Variants in KCNMB4 observed in about 807,000 individuals in gnomAD.
KCNMB4 encodes the protein potassium calcium-activated channel subfamily M regulatory beta subunit 4.
Under a neutral mutation model 20.7 loss-of-function variants are expected in KCNMB4, and 3 were observed. That is an observed-to-expected ratio of 0.14 (90% CI 0.07 to 0.37). The LOEUF (loss-of-function observed/expected upper bound fraction) is 0.37, where lower values mean the gene tolerates loss of function less well. Ranked by LOEUF, KCNMB4 falls within the 10% of genes least tolerant of loss-of-function variation. The pLI, the probability that KCNMB4 is intolerant of heterozygous loss-of-function variation, is 1.00. For synonymous variants in KCNMB4, 110 were observed against 113.4 expected, an observed-to-expected ratio of 0.97 and a Z score of 0.19; for missense variants, 168 against 265.9, an observed-to-expected ratio of 0.63 and a Z score of 2.56.
At chr12:70,423,781 C>T (rs568196654) in intron 2 of KCNMB4, among the ~76,000 whole-genome samples, 1 of 152,236 alleles carries the variant, frequency 6.6e-6, no homozygotes, top group South Asian at 2.1e-4. Context: ...GGCCACCTCC[C>T]AAGCTTTTAA....
intron 2 of KCNMB4, among the ~76,000 whole-genome samples, chr12:70,423,169 A>C (rs1869116171): frequency 6.6e-6 from 1 of 152,206 alleles, no homozygotes; most frequent in South Asian, 2.1e-4. Flanking sequence ...CTCCAAAATA[A>C]CATACCTGCC....
chr12:70,422,658 T>C, intron 2 of KCNMB4: 2 of 1,271,524 alleles, frequency 1.6e-6, no homozygotes, highest in Non-Finnish European at 2.1e-6. Flanking sequence ...TTCGTTGATT[T>C]GCCTTTTTAA....
chr12:70,405,281 A>G (rs1214656597), intron 2 of KCNMB4, among the ~76,000 whole-genome samples: 1 of 152,184 alleles, frequency 6.6e-6, no homozygotes, highest in African/African-American at 2.4e-5. Context: ...AACTCCTACA[A>G]CTCAATAGTA....
intron 1 of KCNMB4, among the ~76,000 whole-genome samples, chr12:70,382,194 C>G (rs1316716101): frequency 6.6e-6 from 1 of 151,548 alleles, no homozygotes; most frequent in African/African-American, 2.4e-5. Context: ...GCCTGTAATC[C>G]CAGCACTTTG....
intron 2 of KCNMB4, among the ~76,000 whole-genome samples, chr12:70,421,327 C>CA: frequency 1.3e-5 from 2 of 151,274 alleles, no homozygotes; most frequent in South Asian, 4.2e-4. Flanking sequence ...CCTGTCTCTA[C>CA]AAAAAATTGT....
chr12:70,429,866 G>A (rs150576067), intron 2 of KCNMB4, among the ~76,000 whole-genome samples: 2 of 152,156 alleles, frequency 1.3e-5, no homozygotes, highest in East Asian at 3.9e-4. Flanking sequence ...TAAGAAAGTG[G>A]TCAGTGTTTT....
chr12:70,399,418 C>A (rs1158751621), intron 1 of KCNMB4, among the ~76,000 whole-genome samples: 1 of 152,164 alleles, frequency 6.6e-6, no homozygotes, highest in Non-Finnish European at 1.5e-5. Flanking sequence ...GTAAAAAGTA[C>A]ACAAGTTAAG....
rs1869365360 is a variant in KCNMB4 at position 70,431,544 on chromosome 12, A to T, written c.*891A>T. On this transcript the variant is annotated 3_prime_UTR_variant, in exon 3 of 3. Coordinates refer to ENST00000258111, the MANE Select transcript of KCNMB4 (RefSeq NM_014505.6). ...TTTGTAGGTCAGAAAAAAACAACAAAATCAGTTCAAGCATTTTTTTTTCTT... is the reference window on the plus strand; with the variant it reads ...TTTGTAGGTCAGAAAAAAACAACAATATCAGTTCAAGCATTTTTTTTTCTT... 1 of 151,900 alleles carries T rather than the reference A, an allele frequency of 6.6e-6. No homozygotes were observed. The highest frequency in any genetic ancestry group is 2.4e-5 in the African/African-American group (1 of 41,350). The allele number at this position is 151,900 out of a possible 1,614,324, so 9.4% of individuals were successfully genotyped here. A position where few individuals can be genotyped will look rare whatever the true frequency, so the allele number is the denominator to read the frequency against.
chr12:70,409,970 C>G (rs11178227), intron 2 of KCNMB4, among the ~76,000 whole-genome samples: 1 of 152,066 alleles, frequency 6.6e-6, no homozygotes, highest in Non-Finnish European at 1.5e-5. Flanking sequence ...GTCTGCTTTA[C>G]ATATTTTAAC....
At chr12:70,392,309 A>G (rs1868306327) in intron 1 of KCNMB4, among the ~76,000 whole-genome samples, 1 of 152,204 alleles carries the variant, frequency 6.6e-6, no homozygotes, top group African/African-American at 2.4e-5. Context: ...GGCAGTCATT[A>G]AAAAGTCAGG....
intron 1 of KCNMB4, among the ~76,000 whole-genome samples, chr12:70,376,703 C>CAA (rs1436711433): frequency 6.8e-6 from 1 of 146,976 alleles, no homozygotes; most frequent in African/African-American, 2.5e-5. Context: ...CCCACCTCTA[C>CAA]AAAAATTAAA....
intron 1 of KCNMB4, among the ~76,000 whole-genome samples, chr12:70,373,148 G>A (rs1883628936): frequency 6.6e-6 from 1 of 152,214 alleles, no homozygotes; most frequent in African/African-American, 2.4e-5. Flanking sequence ...ATACTGGGAA[G>A]CCATGGTAGG....
At chr12:70,391,310 A>AT (rs60442586) in intron 1 of KCNMB4, among the ~76,000 whole-genome samples, 33,725 of 150,282 alleles carry the variant, frequency 0.22, 7,090 homozygotes, top group African/African-American at 0.56. Flanking sequence ...ATTTATTATT[A>AT]TTTTTTTTTA....
At chr12:70,391,335 C>G (rs1420176116) in intron 1 of KCNMB4, among the ~76,000 whole-genome samples, 1 of 151,538 alleles carries the variant, frequency 6.6e-6, no homozygotes, top group Non-Finnish European at 1.5e-5. Flanking sequence ...AAGGGTCTTG[C>G]TCTGTCACCC....
At chr12:70,428,190 C>T (rs1409614625) in intron 2 of KCNMB4, among the ~76,000 whole-genome samples, 2 of 152,024 alleles carry the variant, frequency 1.3e-5, no homozygotes, top group East Asian at 1.9e-4. Context: ...GACAGGGTTT[C>T]GCTATGTTGC....
intron 2 of KCNMB4, among the ~76,000 whole-genome samples, chr12:70,405,672 C>T (rs890915812): frequency 6.6e-6 from 1 of 152,160 alleles, no homozygotes; most frequent in Non-Finnish European, 1.5e-5. Context: ...GATCTTGACT[C>T]TTCAAGATCC....
chr12:70,429,437 A>C lies in KCNMB4; in HGVS notation c.465-1048A>C, dbSNP rs897669403. Among the ~76,000 whole-genome samples, 6 of 152,124 alleles carry C rather than the reference A, an allele frequency of 3.9e-5. No homozygotes were observed. The East Asian group carries it at 1.2e-3, about 29-fold the overall frequency. The stretch of plus-strand genomic sequence containing the variant: ...ATGCCAGCACTTTGGGAGGCCGAGG[A>C]GGGCGGATCACGAGGTCAGGAGATC... On this transcript the variant is annotated intron_variant, in intron 2 of 2. Coordinates refer to ENST00000258111, the MANE Select transcript of KCNMB4 (RefSeq NM_014505.6).
At chr12:70,422,426 G>T (rs1361767549) in intron 2 of KCNMB4, among the ~76,000 whole-genome samples, 1 of 152,180 alleles carries the variant, frequency 6.6e-6, no homozygotes, top group East Asian at 1.9e-4. Context: ...CTCTGGTGTG[G>T]AGATAACGTT....
At chr12:70,400,463 T>A in intron 2 of KCNMB4, 127 bp downstream of exon 2, 1 of 934,742 alleles carries the variant, frequency 1.1e-6, no homozygotes, top group Non-Finnish European at 1.6e-6. Context: ...TGCGTGTAAT[T>A]AGGGAAACCC....
Sources: gnomAD v4.1 joint callset for allele counts (sites outside exome capture counted in the v4.1 genomes callset) on GRCh38, gnomAD v4.1.1 for gene constraint, MANE v1.5 for transcripts, NCBI Gene and HGNC (gene_info 2026-07-23, HGNC 2026-07-21) for gene names.